PSCA: variants seen among roughly 807,000 people sequenced by gnomAD.
The protein encoded by PSCA is prostate stem cell antigen.
Under a neutral mutation model 7.9 loss-of-function variants are expected in PSCA, and 7 were observed. The observed-to-expected ratio is 0.89, with a 90% CI of 0.51 to 1.67. The LOEUF is 1.67. Ranked by LOEUF, PSCA falls within the 40% of genes most tolerant of loss-of-function variation. PSCA has a pLI of 0.00. For synonymous variants in PSCA, 61 were observed against 68.3 expected, an observed-to-expected ratio of 0.89 and a Z score of 0.53; for missense variants, 151 against 147.9, an observed-to-expected ratio of 1.02 and a Z score of -0.11.
upstream of PSCA, among the ~76,000 whole-genome samples, chr8:142,677,030 C>T (rs1554637872): frequency 6.6e-6 from 1 of 152,152 alleles, no homozygotes; most frequent in African/African-American, 2.4e-5. Flanking sequence ...AGAGGGTGAC[C>T]ACAGTCAGGG....
rs1847358717 is a variant in PSCA, at chr8:142,673,419, G to C, written n.261+2851G>C. 1.3e-5 allele frequency among the ~76,000 whole-genome samples: 2 copies of C among 152,176 alleles called. No individual in the cohort carries two copies. Among genetic ancestry groups the C allele is most frequent in the Admixed American group, 1.3e-4 (2 of 15,288 alleles). On this transcript the variant is annotated intron_variant and non_coding_transcript_variant, in intron 1 of 1. Coordinates refer to the PSCA transcript ENST00000505305. This position sits in a 1 kb window ranked among gnomAD's most constrained non-coding sequence, Gnocchi z 4.6. ...TCTTCTCGAGGACCAAGTCCATTCT[G>C]ACACTGGGAGGGGTCAGAAAGAGAG... is the stretch of plus-strand genomic sequence containing the variant.
rs1390119962 is a variant in PSCA, at chr8:142,682,481, C to A, written c.*349C>A. ...CTGCCCACCCCATCTATGACTTGAG[C>A]CAGGTCTGGTCCGTGGTGTCCCCCG... On this transcript the variant is annotated 3_prime_UTR_variant, in exon 3 of 3. Transcript: ENST00000301258. The A allele has an allele frequency of 1.8e-6, 1 of 566,470 alleles. No homozygotes were observed. Among genetic ancestry groups the A allele is most frequent in the Non-Finnish European group, 3.4e-6 (1 of 297,550 alleles). 35.1% of individuals were successfully genotyped at this position (566,470 alleles called of 1,614,324 possible).
At chr8:142,677,415 A>G (rs1344146373), upstream of PSCA, among the ~76,000 whole-genome samples, 1 of 152,212 alleles carries the variant, frequency 6.6e-6, no homozygotes, top group African/African-American at 2.4e-5. Flanking sequence ...AGACATCACC[A>G]AACATTCCCT....
At chr8:142,680,466 A>G (rs1467055232), upstream of PSCA, 5 of 1,532,876 alleles carry the variant, frequency 3.3e-6, no homozygotes, top group African/African-American at 6.9e-5. Context: ...ATTTGAGGCC[A>G]TATAAAGTCA....
intron 1 of PSCA, among the ~76,000 whole-genome samples, chr8:142,670,846 C>T (rs1218530305): frequency 1.3e-5 from 2 of 152,182 alleles, no homozygotes; most frequent in Non-Finnish European, 2.9e-5. Context: ...AATGTGCAGT[C>T]GTCCCTGGGT....
intron 2 of PSCA, 34 bp downstream of exon 2, chr8:142,681,468 T>C (rs1554638342): frequency 6.6e-7 from 1 of 1,519,240 alleles, no homozygotes; most frequent in South Asian, 1.2e-5. Context: ...CAGGCCTAGG[T>C]CTCTGCCACT....
chr8:142,681,011 C>T (rs1299631169), intron 1 of PSCA: 5 of 461,092 alleles, frequency 1.1e-5, no homozygotes, highest in Non-Finnish European at 2.0e-5. Flanking sequence ...CTGCAGCTTC[C>T]AAGGGTCCCA....
chr8:142,673,022 G>A lies in PSCA; in HGVS notation n.261+2454G>A, dbSNP rs587619945. Among the ~76,000 whole-genome samples, 4 of 152,304 alleles carry A rather than the reference G, an allele frequency of 2.6e-5. No individual in the cohort carries two copies. Among genetic ancestry groups the A allele is most frequent in the Admixed American group, 1.3e-4 (2 of 15,302 alleles). Reference sequence around the variant, plus strand: ...AAGATGGAGCTGCCATTTTGATCATGCCTAGTCTCAGGTAGCTTTTTCCCA... The same window carrying A: ...AAGATGGAGCTGCCATTTTGATCATACCTAGTCTCAGGTAGCTTTTTCCCA... On this transcript the variant is annotated intron_variant and non_coding_transcript_variant, in intron 1 of 1. Coordinates refer to the PSCA transcript ENST00000505305. The surrounding 1 kb of genome is among the most constrained non-coding windows in gnomAD (Gnocchi z 4.6).
At chr8:142,671,060 T>G (rs1847315856) in intron 1 of PSCA, among the ~76,000 whole-genome samples, 1 of 152,248 alleles carries the variant, frequency 6.6e-6, no homozygotes. Flanking sequence ...TAGGGAATAG[T>G]GACAAGAGAA....
chr8:142,677,574 G>A (rs782714587), upstream of PSCA, among the ~76,000 whole-genome samples: 2 of 152,322 alleles, frequency 1.3e-5, no homozygotes, highest in Non-Finnish European at 2.9e-5. Context: ...ATAAGAAAAC[G>A]TCTTGTGCGG....
upstream of PSCA, among the ~76,000 whole-genome samples, chr8:142,677,587 G>C (rs1554637925): frequency 6.6e-6 from 1 of 152,236 alleles, no homozygotes. Flanking sequence ...TTGTGCGGGA[G>C]TGGCCAGAGT....
intron 1 of PSCA, 141 bp downstream of exon 1, chr8:142,680,704 C>T (rs1347486535): frequency 4.5e-5 from 53 of 1,182,734 alleles, no homozygotes; most frequent in Non-Finnish European, 5.8e-5. Context: ...CCCTAGCCTC[C>T]GCTCCTCCAG....
In PSCA at chr8:142,681,997, G is replaced by A. The variant is rs186404898; in HGVS notation, c.210G>A (p.Val70=). ...TGGATGACTCACAGGACTACTACGT[G>A]GGCAAGAAGAACATCACGTGCTGTG... ...NCVDDSQDYY[V]GKKNITCCDT... is the part of the protein sequence containing the mutation. The change falls in exon 3 of 3, where the codon GTG becomes GTA. Residue 70 remains valine (V), a synonymous_variant. Coordinates refer to ENST00000301258, the MANE Select transcript of PSCA (RefSeq NM_005672.5). The A allele has an allele frequency of 1.0e-4, 169 of 1,612,196 alleles. 2 individuals carry two copies. In the African/African-American group the frequency reaches 1.7e-3, roughly 17 times the overall value.
chr8:142,677,422 C>A (rs1847412033), upstream of PSCA, among the ~76,000 whole-genome samples: 1 of 152,212 alleles, frequency 6.6e-6, no homozygotes, highest in Non-Finnish European at 1.5e-5. Context: ...ACCAAACATT[C>A]CCTGGCGGTG....
At chr8:142,680,284 T>C (rs1376690444), upstream of PSCA, 1 of 535,696 alleles carries the variant, frequency 1.9e-6, no homozygotes. Context: ...CAGCCCGGGG[T>C]GGCTGAGATA....
upstream of PSCA, among the ~76,000 whole-genome samples, chr8:142,677,207 C>T (rs1847409655): frequency 6.6e-6 from 1 of 152,162 alleles, no homozygotes; most frequent in African/African-American, 2.4e-5. Flanking sequence ...AGGGGTGGGG[C>T]TCTAGGAATG....
At chr8:142,679,694 G>C (rs1847439835), upstream of PSCA, among the ~76,000 whole-genome samples, 1 of 152,206 alleles carries the variant, frequency 6.6e-6, no homozygotes, top group Non-Finnish European at 1.5e-5. Flanking sequence ...GCTTGCAAGA[G>C]TTATCAATAG....
Position 142,682,351 on chromosome 8 carries a change from C to T in PSCA, c.*219C>T, listed in dbSNP as rs1463967067. On this transcript the variant is annotated 3_prime_UTR_variant, in exon 3 of 3. Transcript: ENST00000301258. ...CAGATCGGCTCTATTGACACAGATC[C>T]GCCTGCAGATGGCCCCTCCAACCCT... 9 of 708,290 alleles carry T rather than the reference C, an allele frequency of 1.3e-5. No homozygotes were observed. Among genetic ancestry groups the T allele is most frequent in the South Asian group, 9.0e-5 (6 of 66,824 alleles). 43.9% of individuals were successfully genotyped at this position (708,290 alleles called of 1,614,324 possible). A position where few individuals can be genotyped will look rare whatever the true frequency, so the allele number is the denominator to read the frequency against.
intron 1 of PSCA, 117 bp from the exon 2 acceptor site, chr8:142,681,210 A>G (rs1474432943): frequency 5.8e-6 from 4 of 687,524 alleles, no homozygotes; most frequent in Non-Finnish European, 1.0e-5. Context: ...GAGGGTGACA[A>G]GAGGGCGCCG....
Sources: gnomAD v4.1 joint callset for allele counts (sites outside exome capture counted in the v4.1 genomes callset) on GRCh38, gnomAD v4.1.1 for gene constraint, Gnocchi (gnomAD v3.1) non-coding constraint, MANE v1.5 for transcripts, NCBI Gene and HGNC (gene_info 2026-07-23, HGNC 2026-07-21) for gene names.